The following NCAM2 variants were observed in gnomAD, a reference collection of about 807,000 sequenced individuals.
NCAM2 encodes the protein neural cell adhesion molecule 2.
A neutral mutation model predicts 98.1 loss-of-function variants in NCAM2; 30 were observed. That is an observed-to-expected ratio of 0.31 (90% CI 0.23 to 0.41). NCAM2 has a LOEUF of 0.41. Among genes scored for constraint, NCAM2 ranks in the 10% least tolerant of loss-of-function variants. The pLI, the probability that NCAM2 is intolerant of heterozygous loss-of-function variation, is 1.00. For synonymous variants in NCAM2, 368 were observed against 342.4 expected (o/e 1.07, Z -0.83); for missense variants, 867 against 1,005.8 (o/e 0.86, Z 1.87).
chr21:21,068,306 G>T (rs758200944), intron 1 of NCAM2, among the ~76,000 whole-genome samples: 37 of 150,160 alleles, frequency 2.5e-4, no homozygotes, highest in African/African-American at 7.1e-4. Flanking sequence ...CTAATTTTTT[G>T]TATTTTTAGT....
intron 1 of NCAM2, among the ~76,000 whole-genome samples, chr21:21,210,964 CCAAACACACACACACACACA>C (rs1347852898): frequency 1.0e-5 from 1 of 96,718 alleles, no homozygotes; most frequent in Non-Finnish European, 1.9e-5. Flanking sequence ...AATACTCTCC[CCAAACACACACACACACACA>C]CACACACACA....
intron 11 of NCAM2, among the ~76,000 whole-genome samples, chr21:21,419,467 G>A (rs9975264): frequency 0.057 from 8,463 of 149,374 alleles, 289 homozygotes; most frequent in East Asian, 0.12. Context: ...CCATTAACTC[G>A]TCATTTAGCA....
In NCAM2 at chr21:21,303,264, A is replaced by C. The variant is rs367909432; in HGVS notation, c.619+11023A>C. 1.4e-4 allele frequency among the ~76,000 whole-genome samples: 21 copies of C among 152,204 alleles called. 1 individual carries two copies. The South Asian group carries it at 3.9e-3, about 29-fold the overall frequency. On this transcript the variant is annotated intron_variant, in intron 5 of 17. Transcript: ENST00000400546. The stretch of plus-strand genomic sequence containing the variant: ...CTTTAAAAAGAAGTCAGAAGTGGAA[A>C]TGAAAACATAGTAAACTTTATGAAA...
intron 1 of NCAM2, among the ~76,000 whole-genome samples, chr21:21,227,314 T>G (rs1281114132): frequency 2.0e-5 from 3 of 151,818 alleles, no homozygotes; most frequent in Non-Finnish European, 4.4e-5. Context: ...CCACATTTCA[T>G]ACAAAGAAAA....
intron 1 of NCAM2, among the ~76,000 whole-genome samples, chr21:21,032,626 T>A (rs901673205): frequency 6.6e-6 from 1 of 152,230 alleles, no homozygotes; most frequent in African/African-American, 2.4e-5. Flanking sequence ...TTGCCTTAGT[T>A]ATAAAATATA....
intron 9 of NCAM2, among the ~76,000 whole-genome samples, chr21:21,408,354 C>G (rs79538672): frequency 0.035 from 5,290 of 152,188 alleles, 184 homozygotes; most frequent in South Asian, 0.14. Flanking sequence ...CAAAGATGTA[C>G]CACCATTTAT....
chr21:21,403,694 G>A (rs1051500543), intron 9 of NCAM2, among the ~76,000 whole-genome samples: 1 of 152,150 alleles, frequency 6.6e-6, no homozygotes, highest in African/African-American at 2.4e-5. Flanking sequence ...CATGATGGCA[G>A]TATATCATGA....
At position 21,087,716 on chromosome 21, in the gene NCAM2, C is replaced by T. The variant is rs8131495; in HGVS notation, c.55+89098C>T. ...CATGCAAGGAGAGAGGAAATGGTGGCTTATTGCATAAGGTACTAAGGATGC... is the reference window on the plus strand; with the variant it reads ...CATGCAAGGAGAGAGGAAATGGTGGTTTATTGCATAAGGTACTAAGGATGC... On this transcript the variant is annotated intron_variant, in intron 1 of 17. Transcript: ENST00000400546. 6.2e-3 allele frequency among the ~76,000 whole-genome samples: 950 copies of T among 152,260 alleles called. 7 individuals are homozygous for T. The highest frequency in any genetic ancestry group is 0.035 in the East Asian group (181 of 5,166).
In NCAM2 at chr21:21,146,735, C is replaced by T. The variant is rs184954857; in HGVS notation, c.56-133843C>T. ...TTTCAAGTGAAAAACATACATTATTCATGCTACGGGTTTTAAATTTTCCTT... is the reference window on the plus strand; with the variant it reads ...TTTCAAGTGAAAAACATACATTATTTATGCTACGGGTTTTAAATTTTCCTT... On this transcript the variant is annotated intron_variant, in intron 1 of 17. Coordinates refer to ENST00000400546, the MANE Select transcript of NCAM2 (RefSeq NM_004540.5). Among the ~76,000 whole-genome samples the T allele has an allele frequency of 3.9e-5, 6 of 152,144 alleles. No individual in the cohort carries two copies. The South Asian group carries it at 8.3e-4, about 21-fold the overall frequency.
At chr21:21,301,151 A>G (rs1486770032) in intron 5 of NCAM2, among the ~76,000 whole-genome samples, 3 of 152,032 alleles carry the variant, frequency 2.0e-5, no homozygotes, top group African/African-American at 4.8e-5. Context: ...TGTTGGAGGC[A>G]TACTTTGTGA....
chr21:21,097,159 C>T (rs550096097), intron 1 of NCAM2, among the ~76,000 whole-genome samples: 76 of 151,818 alleles, frequency 5.0e-4, no homozygotes, highest in African/African-American at 1.8e-3. Context: ...CAGGCTTTCC[C>T]TTCTGCACGT....
chr21:21,190,140 A>T (rs893718407), intron 1 of NCAM2, among the ~76,000 whole-genome samples: 2 of 152,212 alleles, frequency 1.3e-5, no homozygotes, highest in Non-Finnish European at 2.9e-5. Context: ...TTTAGACTCT[A>T]TGCAATTGGG....
Position 21,197,668 on chromosome 21 carries a change from C to T in NCAM2, c.56-82910C>T, listed in dbSNP as rs1200357285. 2.6e-5 allele frequency among the ~76,000 whole-genome samples: 4 copies of T among 152,302 alleles called. No individual in the cohort carries two copies. In the East Asian group the frequency reaches 7.7e-4, roughly 29 times the overall value. On this transcript the variant is annotated intron_variant, in intron 1 of 17. Coordinates refer to ENST00000400546, the MANE Select transcript of NCAM2 (RefSeq NM_004540.5). ...TGTCTAAAATAGGACTTTGCAAGGT[C>T]TAACACATATCGTTTCTGTGTTTTC...
chr21:21,013,822 G>T (rs536512353), intron 1 of NCAM2, among the ~76,000 whole-genome samples: 4 of 151,984 alleles, frequency 2.6e-5, no homozygotes, highest in African/African-American at 9.6e-5. Flanking sequence ...TGGTTCATGA[G>T]GTTTAAAGAA....
intron 1 of NCAM2, among the ~76,000 whole-genome samples, chr21:21,065,932 C>A (rs562460137): frequency 1.3e-5 from 2 of 152,218 alleles, no homozygotes; most frequent in East Asian, 3.9e-4. Context: ...ATTAAGCACT[C>A]CCCAATGCAT....
At chr21:21,310,074 A>G (rs2073997810) in intron 5 of NCAM2, among the ~76,000 whole-genome samples, 1 of 152,222 alleles carries the variant, frequency 6.6e-6, no homozygotes, top group East Asian at 1.9e-4. Context: ...TATCCTAGTA[A>G]TAGGAAGACC....
intron 12 of NCAM2, among the ~76,000 whole-genome samples, chr21:21,456,657 A>G (rs190587265): frequency 2.2e-4 from 33 of 152,264 alleles, no homozygotes; most frequent in African/African-American, 7.0e-4. Context: ...ACTAGAAGAA[A>G]ATTTCTATAG....
intron 6 of NCAM2, among the ~76,000 whole-genome samples, chr21:21,328,049 A>G (rs1316622729): frequency 1.3e-5 from 2 of 152,124 alleles, no homozygotes; most frequent in Non-Finnish European, 2.9e-5. Flanking sequence ...AAAATGTTCC[A>G]TTTAAACCCC....
intron 1 of NCAM2, among the ~76,000 whole-genome samples, chr21:21,009,654 T>C (rs56402253): frequency 0.018 from 2,714 of 152,158 alleles, 79 homozygotes; most frequent in African/African-American, 0.061. Flanking sequence ...GCTGTGTCGA[T>C]AAAGCAAGTA....
Sources: gnomAD v4.1 joint callset for allele counts (sites outside exome capture counted in the v4.1 genomes callset) on GRCh38, gnomAD v4.1.1 for gene constraint, MANE v1.5 for transcripts, NCBI Gene and HGNC (gene_info 2026-07-23, HGNC 2026-07-21) for gene names.